The following KMT2A variants were observed in gnomAD, a reference collection of about 807,000 sequenced individuals.
KMT2A encodes the protein histone-lysine N-methyltransferase 2A.
KMT2A carries 16 observed loss-of-function variants against 345.3 expected under a neutral mutation model. The observed-to-expected ratio is 0.05, with a 90% CI of 0.03 to 0.07. The LOEUF (loss-of-function observed/expected upper bound fraction) is 0.07. Among genes scored for constraint, KMT2A ranks in the 10% least tolerant of loss-of-function variants. The probability of loss-of-function intolerance (pLI) is 1.00; values close to 1 mark genes in which losing one functional copy is unlikely to be tolerated. For synonymous variants in KMT2A, 1,599 were observed against 1,778.6 expected, an observed-to-expected ratio of 0.90 and a Z score of 2.54; for missense variants, 3,272 against 4,841.6, an observed-to-expected ratio of 0.68 and a Z score of 9.62.
At position 118,496,242 on chromosome 11, in the gene KMT2A, G is replaced by T. The variant is rs1555043914; in HGVS notation, c.5558-19G>T. 1.3e-6 allele frequency: 2 copies of T among 1,543,078 alleles called. No homozygotes were observed. Among genetic ancestry groups the T allele is most frequent in the East Asian group, 4.5e-5 (2 of 44,480 alleles). On this transcript the variant is annotated intron_variant, in intron 19 of 35. Coordinates refer to ENST00000534358, the MANE Select transcript of KMT2A (RefSeq NM_001197104.2). The surrounding 1 kb of genome is among the most constrained non-coding windows in gnomAD (Gnocchi z 4.7). ...TAACTGGATCTCAAGGTATTGATGG[G>T]AGTCTTTTGGATTTCAAGGTACTGA...
At position 118,524,315 on chromosome 11, in the gene KMT2A, G is replaced by T; in HGVS notation, c.*2143G>T. The T allele has an allele frequency of 5.3e-6, 1 of 189,242 alleles. No homozygotes were observed. 11.7% of individuals were successfully genotyped at this position (189,242 alleles called of 1,614,324 possible). A position where few individuals can be genotyped will look rare whatever the true frequency, so the allele number is the denominator to read the frequency against. The stretch of plus-strand genomic sequence containing the variant: ...GGGCACCCTTTTCTCGCCGCAAGAA[G>T]CCCATTCCTATGGAAGTCTAGCAAA... On this transcript the variant is annotated 3_prime_UTR_variant, in exon 36 of 36. Coordinates refer to ENST00000534358, the MANE Select transcript of KMT2A (RefSeq NM_001197104.2).
chr11:118,512,237 C>T, intron 31 of KMT2A: 2 of 577,510 alleles, frequency 3.5e-6, no homozygotes, highest in East Asian at 2.9e-5. Context: ...CACCACTACT[C>T]TATAATTCTA....
At chr11:118,440,928 C>T (rs192583814) in intron 1 of KMT2A, among the ~76,000 whole-genome samples, 14 of 151,736 alleles carry the variant, frequency 9.2e-5, no homozygotes, top group East Asian at 1.9e-4. Flanking sequence ...ACGAAGCCTC[C>T]GAGTAGAAGT....
chr11:118,484,461 G>A lies in KMT2A; in HGVS notation c.4218+147G>A. 3 of 761,314 alleles carry A rather than the reference G, an allele frequency of 3.9e-6. No individual in the cohort carries two copies. Among genetic ancestry groups the A allele is most frequent in the Non-Finnish European group, 6.3e-6 (3 of 477,834 alleles). 47.2% of individuals were successfully genotyped at this position (761,314 alleles called of 1,614,324 possible). A position where few individuals can be genotyped will look rare whatever the true frequency, so the allele number is the denominator to read the frequency against. ...CCATTAGCAGGTGGGTTTAGCGCTG[G>A]GAGAGCTTTGGTCAGTGTTGTTAGG... is the stretch of plus-strand genomic sequence containing the variant. On this transcript the variant is annotated intron_variant, in intron 9 of 35. Transcript: ENST00000534358. The surrounding 1 kb of genome is among the most constrained non-coding windows in gnomAD (Gnocchi z 4.1).
intron 31 of KMT2A, among the ~76,000 whole-genome samples, chr11:118,517,006 G>C (rs886984598): frequency 1.3e-5 from 2 of 152,046 alleles, no homozygotes; most frequent in Non-Finnish European, 2.9e-5. Flanking sequence ...TGAGTATGTA[G>C]TATGTTTTTC....
chr11:118,472,944 A>G lies in KMT2A; in HGVS notation c.1785A>G (p.Pro595=). ...CTCCAACAATCCCCTTAGCATCACC[A>G]TTTTTGCCTGCTTCCACTGCTCCTA... is the stretch of plus-strand genomic sequence containing the variant. The part of the protein sequence containing the change: ...LMPPTIPLAS[P]FLPASTAPMQ... Residue 595 remains proline (P), a synonymous_variant, in exon 3 of 36, where the codon CCA becomes CCG. Transcript: ENST00000534358. 1.5e-5 allele frequency: 24 copies of G among 1,613,832 alleles called. No individual in the cohort carries two copies. Among genetic ancestry groups the G allele is most frequent in the Non-Finnish European group, 2.0e-5 (24 of 1,179,988 alleles).
chr11:118,451,049 A>T (rs1949525027), intron 1 of KMT2A, among the ~76,000 whole-genome samples: 1 of 152,212 alleles, frequency 6.6e-6, no homozygotes, highest in African/African-American at 2.4e-5. Flanking sequence ...TCTTCCTAAA[A>T]ATGGCTATCA....
Position 118,521,197 on chromosome 11 carries a change from A to G in KMT2A, c.11514-91A>G, listed in dbSNP as rs1369660400. On this transcript the variant is annotated intron_variant, in intron 34 of 35. Transcript: ENST00000534358. The surrounding 1 kb of genome is among the most constrained non-coding windows in gnomAD (Gnocchi z 5.3). ...CTCAAGTATATGTCCCTCCTGGGGAACTAACAGACCAGGAGAACTTATTCA... is the reference window on the plus strand; with the variant it reads ...CTCAAGTATATGTCCCTCCTGGGGAGCTAACAGACCAGGAGAACTTATTCA... 2 of 1,387,518 alleles carry G rather than the reference A, an allele frequency of 1.4e-6. No individual in the cohort carries two copies. Among genetic ancestry groups the G allele is most frequent in the African/African-American group, 2.9e-5 (2 of 69,632 alleles). The allele number at this position is 1,387,518 out of a possible 1,614,324, so 86.0% of individuals were successfully genotyped here.
chr11:118,452,014 G>A (rs1949549382), intron 1 of KMT2A, among the ~76,000 whole-genome samples: 4 of 152,056 alleles, frequency 2.6e-5, no homozygotes, highest in Admixed American at 2.6e-4. Flanking sequence ...CATGAATCAG[G>A]AGGGTTTTTC....
At chr11:118,479,473 G>T (rs1029266111) in intron 5 of KMT2A, among the ~76,000 whole-genome samples, 1 of 152,156 alleles carries the variant, frequency 6.6e-6, no homozygotes, top group Non-Finnish European at 1.5e-5. Flanking sequence ...AAGAACAGTT[G>T]GGAGAAATGC....
chr11:118,483,481 C>G (rs897291093), intron 8 of KMT2A, among the ~76,000 whole-genome samples: 1 of 151,872 alleles, frequency 6.6e-6, no homozygotes, highest in Admixed American at 6.6e-5. Flanking sequence ...TGCAGTGAGC[C>G]GAGATCGCGC....
chr11:118,461,909 T>C lies in KMT2A; in HGVS notation c.433-6866T>C, dbSNP rs181338655. Among the ~76,000 whole-genome samples, 334 of 152,296 alleles carry C rather than the reference T, an allele frequency of 2.2e-3. 2 individuals are homozygous for C. Among genetic ancestry groups the C allele is most frequent in the African/African-American group, 6.5e-3 (272 of 41,562 alleles). On this transcript the variant is annotated intron_variant, in intron 1 of 35. Coordinates refer to ENST00000534358, the MANE Select transcript of KMT2A (RefSeq NM_001197104.2). Reference sequence around the variant, plus strand: ...AGCAAGATGAGAAGCCTGTTGCTCATGATAGTGCAGTGAAAGGAGGACTTT... The same window carrying C: ...AGCAAGATGAGAAGCCTGTTGCTCACGATAGTGCAGTGAAAGGAGGACTTT...
At chr11:118,481,437 T>A (rs1950130850) in intron 6 of KMT2A, among the ~76,000 whole-genome samples, 1 of 152,226 alleles carries the variant, frequency 6.6e-6, no homozygotes, top group Non-Finnish European at 1.5e-5. Context: ...GATCTCGTTC[T>A]TTTTTATGGC....
intron 1 of KMT2A, among the ~76,000 whole-genome samples, chr11:118,467,692 AAT>A (rs1555034455): frequency 6.6e-6 from 1 of 152,212 alleles, no homozygotes; most frequent in Non-Finnish European, 1.5e-5. Context: ...TAACTGAGAA[AAT>A]AATCCTTCAG....
In KMT2A at chr11:118,493,146, T is replaced by C; in HGVS notation, c.5094T>C (p.Thr1698=). The change falls in exon 16 of 36, where the codon ACT becomes ACC. Residue 1698 remains threonine (T), a synonymous_variant. Coordinates refer to ENST00000534358, the MANE Select transcript of KMT2A (RefSeq NM_001197104.2). This position sits in a 1 kb window ranked among gnomAD's most constrained non-coding sequence, Gnocchi z 5.8. ...AAGGACCTGATCCACCAGTTCTTAC[T>C]GAGGTCAGCAAACAGGATGATCAGC... The part of the protein sequence containing the change: ...SPEGPDPPVL[T]EVSKQDDQQP... 6.2e-7 allele frequency: 1 copy of C among 1,614,088 alleles called. No homozygotes were observed. Among genetic ancestry groups the C allele is most frequent in the Non-Finnish European group, 8.5e-7 (1 of 1,179,986 alleles).
chr11:118,439,260 T>C, intron 1 of KMT2A: 1 of 354,784 alleles, frequency 2.8e-6, no homozygotes, highest in Non-Finnish European at 5.5e-6. Context: ...TTTAGCCCCA[T>C]GTATATTTGA....
Position 118,521,859 on chromosome 11 carries a change from G to A in KMT2A, c.11644-38G>A, listed in dbSNP as rs1950978654. ...CATGTTCTTAAAGCTGAGTTTATAA[G>A]AAATGACAAGTTCTTCTCCCTTCTT... On this transcript the variant is annotated intron_variant, in intron 35 of 35. Transcript: ENST00000534358. The surrounding 1 kb of genome is among the most constrained non-coding windows in gnomAD (Gnocchi z 5.3). The A allele has an allele frequency of 6.3e-7, 1 of 1,596,218 alleles. No homozygotes were observed. The highest frequency in any genetic ancestry group is 8.6e-7 in the Non-Finnish European group (1 of 1,166,016).
chr11:118,443,955 T>C (rs1262375198), intron 1 of KMT2A, among the ~76,000 whole-genome samples: 1 of 152,258 alleles, frequency 6.6e-6, no homozygotes, highest in Non-Finnish European at 1.5e-5. Flanking sequence ...ACAAAAGATA[T>C]GAATCTTTCT....
At chr11:118,464,745 A>G (rs938020489) in intron 1 of KMT2A, among the ~76,000 whole-genome samples, 5 of 152,216 alleles carry the variant, frequency 3.3e-5, no homozygotes, top group African/African-American at 1.2e-4. Context: ...AACAAAGCAC[A>G]ATCAAAGTAA....
Sources: allele counts gnomAD v4.1 joint callset (sites outside exome capture counted in the v4.1 genomes callset), GRCh38; gene constraint gnomAD v4.1.1; non-coding constraint Gnocchi (gnomAD v3.1); transcripts MANE v1.5; gene names NCBI Gene and HGNC (gene_info 2026-07-23, HGNC 2026-07-21).